TRAF3IP1: variants seen among roughly 807,000 people sequenced by gnomAD.
TRAF3IP1 encodes the protein intraflagellar transport 54, also known as TRAF3-interacting protein 1.
Under a neutral mutation model 89.9 loss-of-function variants are expected in TRAF3IP1, and 53 were observed. The observed-to-expected ratio is 0.59, with a 90% CI of 0.47 to 0.74. The LOEUF is 0.74. TRAF3IP1 is among the 30% of genes least tolerant of loss of function. The probability of loss-of-function intolerance (pLI) is 0.00; values close to 1 mark genes in which losing one functional copy is unlikely to be tolerated. For missense variants in TRAF3IP1, 806 were observed against 866.1 expected (o/e 0.93, Z 0.87); for synonymous variants, 311 against 322.1 (o/e 0.97, Z 0.37).
chr2:238,333,837 A>T (rs1698246826), intron 6 of TRAF3IP1, 123 bp from the exon 7 acceptor site: 1 of 779,680 alleles, frequency 1.3e-6, no homozygotes, highest in Non-Finnish European at 2.1e-6. Context: ...TTTTTAAAGC[A>T]TATGGGCACT....
At chr2:238,340,846 TAGAGAGAGAGAG>T (rs67240549) in intron 8 of TRAF3IP1, among the ~76,000 whole-genome samples, 1 of 150,328 alleles carries the variant, frequency 6.7e-6, no homozygotes. Context: ...TATATATATA[TAGAGAGAGAGAG>T]ACAGAGAGAC....
intron 15 of TRAF3IP1, among the ~76,000 whole-genome samples, chr2:238,357,531 A>G (rs1379168705): frequency 1.3e-5 from 2 of 152,216 alleles, no homozygotes; most frequent in Non-Finnish European, 2.9e-5. Context: ...GAACTGTGCA[A>G]TTGAGACTAA....
rs1697569954 is a variant in TRAF3IP1 at position 238,321,956 on chromosome 2, G to A, written c.123+1171G>A. On this transcript the variant is annotated intron_variant, in intron 1 of 16. Transcript: ENST00000373327. ...CTTATAACGTGTGGTCTCCTGGAGC[G>A]TGTGCCTCTGTGTTAAAACAGTGCC... 2.6e-5 allele frequency among the ~76,000 whole-genome samples: 4 copies of A among 152,300 alleles called. No homozygotes were observed. In the Middle Eastern group the frequency reaches 0.01, roughly 389 times the overall value.
At chr2:238,334,343 A>G (rs961144425) in intron 7 of TRAF3IP1, among the ~76,000 whole-genome samples, 3 of 152,264 alleles carry the variant, frequency 2.0e-5, no homozygotes, top group African/African-American at 4.8e-5. Context: ...TCTTCATTTC[A>G]GTAGTTCTGT....
In TRAF3IP1 at chr2:238,325,931, C is replaced by G. The variant is rs768996128; in HGVS notation, c.315C>G (p.Asn105Lys). Reference protein sequence around the residue: ...IVAGHEPERTNELLQIIGKCC... With the variant: ...IVAGHEPERTKELLQIIGKCC... ...CGGGGCATGAGCCTGAAAGAACAAA[C>G]GAGCTGCTCCAGATAATTGGAAAAT... Residue 105 changes from asparagine to lysine, a missense_variant, in exon 3 of 17, where the codon AAC (asparagine) becomes AAG (lysine). Asn to Lys is a moderately conservative substitution (Grantham distance 94, BLOSUM62 0). Coordinates refer to ENST00000373327, the MANE Select transcript of TRAF3IP1 (RefSeq NM_015650.4). 6.2e-7 allele frequency: 1 copy of G among 1,613,784 alleles called. No individual in the cohort carries two copies. Among genetic ancestry groups the G allele is most frequent in the Admixed American group, 1.7e-5 (1 of 59,886 alleles).
chr2:238,372,537 G>C (rs553208621), intron 15 of TRAF3IP1, among the ~76,000 whole-genome samples: 81 of 152,284 alleles, frequency 5.3e-4, no homozygotes, highest in African/African-American at 1.9e-3. Flanking sequence ...ATCATTGATG[G>C]ACATTTGGGT....
intron 15 of TRAF3IP1, 117 bp downstream of exon 15, chr2:238,356,197 T>G: frequency 1.1e-6 from 1 of 889,172 alleles, no homozygotes; most frequent in East Asian, 2.7e-5. Flanking sequence ...TCTGTTTGCA[T>G]ATTTAAATGC....
chr2:238,367,422 ACAT>A (rs1276284121), intron 15 of TRAF3IP1, among the ~76,000 whole-genome samples: 1 of 152,122 alleles, frequency 6.6e-6, no homozygotes, highest in African/African-American at 2.4e-5. Context: ...ACCCAGTGAG[ACAT>A]CATGAAATTG....
At chr2:238,350,200 A>G (rs1405494541) in intron 12 of TRAF3IP1, among the ~76,000 whole-genome samples, 2 of 152,132 alleles carry the variant, frequency 1.3e-5, no homozygotes, top group Non-Finnish European at 2.9e-5. Flanking sequence ...GTTTTGCCAC[A>G]AAGAGAAGGG....
chr2:238,371,632 G>A (rs774955932), intron 15 of TRAF3IP1, among the ~76,000 whole-genome samples: 13 of 152,208 alleles, frequency 8.5e-5, no homozygotes, highest in African/African-American at 4.8e-5. Context: ...GTGGCCACTC[G>A]CCCATGTGGT....
chr2:238,377,408 C>T (rs74272464), intron 15 of TRAF3IP1, among the ~76,000 whole-genome samples: 29 of 92,196 alleles, frequency 3.1e-4, no homozygotes, highest in South Asian at 6.5e-4. Context: ...TTTGTAGGTT[C>T]CCCCCCCACT....
At chr2:238,377,592 C>T (rs947825780) in intron 15 of TRAF3IP1, among the ~76,000 whole-genome samples, 2 of 152,046 alleles carry the variant, frequency 1.3e-5, no homozygotes, top group African/African-American at 4.8e-5. Context: ...TATTTTTAAT[C>T]CACTGTTAAG....
chr2:238,346,405 T>G (rs1203136419), intron 9 of TRAF3IP1, among the ~76,000 whole-genome samples: 1 of 152,200 alleles, frequency 6.6e-6, no homozygotes, highest in Non-Finnish European at 1.5e-5. Context: ...TGGCACTTTG[T>G]GGGGTGTGAC....
intron 1 of TRAF3IP1, 120 bp from the exon 2 acceptor site, chr2:238,325,186 A>G (rs1697760477): frequency 2.1e-6 from 2 of 955,496 alleles, no homozygotes; most frequent in Non-Finnish European, 3.4e-6. Flanking sequence ...TCTTAAGTGG[A>G]TGATTCAAAT....
chr2:238,372,114 G>GT (rs999447820), intron 15 of TRAF3IP1, among the ~76,000 whole-genome samples: 3 of 152,140 alleles, frequency 2.0e-5, no homozygotes, highest in Non-Finnish European at 4.4e-5. Flanking sequence ...TCATTTAAAA[G>GT]TTTTTTTCTC....
At chr2:238,375,700 C>A (rs1000220776) in intron 15 of TRAF3IP1, among the ~76,000 whole-genome samples, 1 of 152,154 alleles carries the variant, frequency 6.6e-6, no homozygotes, top group Non-Finnish European at 1.5e-5. Context: ...CTTTCAATGA[C>A]ATTTTAAAGA....
At chr2:238,352,988 G>GT in intron 13 of TRAF3IP1, 38 bp downstream of exon 13, 1 of 1,583,684 alleles carries the variant, frequency 6.3e-7, no homozygotes, top group Non-Finnish European at 8.6e-7. Flanking sequence ...TAATAATAAT[G>GT]TTTTACCTTC....
intron 15 of TRAF3IP1, among the ~76,000 whole-genome samples, chr2:238,366,165 G>T (rs998716607): frequency 1.3e-5 from 2 of 152,154 alleles, no homozygotes; most frequent in African/African-American, 4.8e-5. Flanking sequence ...CTGGGAGGCG[G>T]AGCTTGCAGT....
At chr2:238,349,946 C>T (rs1183402255) in intron 12 of TRAF3IP1, among the ~76,000 whole-genome samples, 2 of 152,058 alleles carry the variant, frequency 1.3e-5, no homozygotes, top group East Asian at 3.9e-4. Flanking sequence ...TGGCGTGTGC[C>T]TGTAGTCCCA....
Sources: gnomAD v4.1 joint callset for allele counts (sites outside exome capture counted in the v4.1 genomes callset) on GRCh38, gnomAD v4.1.1 for gene constraint, MANE v1.5 for transcripts, NCBI Gene and HGNC (gene_info 2026-07-23, HGNC 2026-07-21) for gene names.